AGO3: variants seen among roughly 807,000 people sequenced by gnomAD.
The protein encoded by AGO3 is protein argonaute-3.
In AGO3, 16 loss-of-function variants were observed where a neutral mutation model predicts 105.5. That is an observed-to-expected ratio of 0.15 (90% confidence interval 0.10 to 0.23). The LOEUF (loss-of-function observed/expected upper bound fraction) is 0.23. Ranked by LOEUF, AGO3 falls within the 10% of genes least tolerant of loss-of-function variation. AGO3 has a pLI of 1.00. For missense variants in AGO3, 534 were observed against 1,088.0 expected, an observed-to-expected ratio of 0.49 and a Z score of 7.16; for synonymous variants, 340 against 367.3, an observed-to-expected ratio of 0.93 and a Z score of 0.85.
intron 5 of AGO3, among the ~76,000 whole-genome samples, chr1:36,002,901 T>C (rs897833153): frequency 6.6e-6 from 1 of 152,076 alleles, no homozygotes; most frequent in African/African-American, 2.4e-5. Flanking sequence ...TAAAACCTTG[T>C]CTCTACTAAA....
intron 9 of AGO3, among the ~76,000 whole-genome samples, chr1:36,013,223 G>A (rs1428437638): frequency 2.0e-5 from 3 of 152,090 alleles, no homozygotes; most frequent in Admixed American, 6.6e-5. Context: ...ACAGATGTGA[G>A]CCACCACGCC....
chr1:36,071,233 A>G lies in AGO3; in HGVS notation c.*15488A>G, dbSNP rs1360906225. 6.6e-6 allele frequency: 1 copy of G among 152,150 alleles called. No individual in the cohort carries two copies. Among genetic ancestry groups the G allele is most frequent in the Non-Finnish European group, 1.5e-5 (1 of 68,034 alleles). The allele number at this position is 152,150 out of a possible 1,614,324, so 9.4% of individuals were successfully genotyped here. On this transcript the variant is annotated 3_prime_UTR_variant, in exon 19 of 19. Coordinates refer to ENST00000373191, the MANE Select transcript of AGO3 (RefSeq NM_024852.4). ...AACAATACAAAACAAAAAAAACCCT[A>G]AGTAATGGAGGAAGAAATAGCATTC...
At chr1:36,024,753 G>A (rs938603042) in intron 11 of AGO3, among the ~76,000 whole-genome samples, 2 of 151,924 alleles carry the variant, frequency 1.3e-5, no homozygotes, top group African/African-American at 2.4e-5. Context: ...GCGTGATCTC[G>A]GCTCACTGCA....
Position 35,932,997 on chromosome 1 carries a change from T to TAA in AGO3, c.19+1553_19+1554insAA, listed in dbSNP as rs60852593. Among the ~76,000 whole-genome samples, 2 of 152,226 alleles carry TAA rather than the reference T, an allele frequency of 1.3e-5. 1 individual carries two copies. Among genetic ancestry groups the TAA allele is most frequent in the Admixed American group, 1.3e-4 (2 of 15,284 alleles). ...GGGAAATGTCTTAGAAAACATTTGTTACATCAAACCACCTAGTCAACTGGT... is the reference window on the plus strand; with the variant it reads ...GGGAAATGTCTTAGAAAACATTTGTTAAACATCAAACCACCTAGTCAACTGGT... On this transcript the variant is annotated intron_variant, in intron 1 of 18. Transcript: ENST00000373191.
chr1:36,037,348 C>T (rs534700950), intron 14 of AGO3, among the ~76,000 whole-genome samples: 4 of 152,126 alleles, frequency 2.6e-5, no homozygotes, highest in Admixed American at 6.6e-5. Flanking sequence ...ATGGTGAAAC[C>T]CCATCTGTAT....
chr1:35,948,178 A>G (rs1646402496), intron 2 of AGO3, among the ~76,000 whole-genome samples: 1 of 152,012 alleles, frequency 6.6e-6, no homozygotes, highest in African/African-American at 2.4e-5. Flanking sequence ...TTACAAGGAA[A>G]TGATATGGTG....
chr1:35,999,895 T>C (rs1640004400), intron 5 of AGO3, among the ~76,000 whole-genome samples: 1 of 152,086 alleles, frequency 6.6e-6, no homozygotes, highest in Admixed American at 6.6e-5. Flanking sequence ...AAAATTAAGT[T>C]GAATTTACCA....
Position 36,059,530 on chromosome 1 carries a change from G to C in AGO3, c.*3785G>C, listed in dbSNP as rs1159222849. On this transcript the variant is annotated 3_prime_UTR_variant, in exon 19 of 19. Transcript: ENST00000373191. ...TTTCTGTGATGTATCTTACGAGACTGACTGTAAAATATCAGTCTGGCAACT... is the reference window on the plus strand; with the variant it reads ...TTTCTGTGATGTATCTTACGAGACTCACTGTAAAATATCAGTCTGGCAACT... 6.7e-6 allele frequency: 1 copy of C among 150,318 alleles called. No homozygotes were observed. The highest frequency in any genetic ancestry group is 1.5e-5 in the Non-Finnish European group (1 of 67,746). 9.3% of individuals were successfully genotyped at this position (150,318 alleles called of 1,614,324 possible).
intron 5 of AGO3, among the ~76,000 whole-genome samples, chr1:35,989,057 C>T (rs951698908): frequency 2.0e-5 from 3 of 152,128 alleles, no homozygotes. Flanking sequence ...CTGGAGAAGA[C>T]TGGTAATTGA....
Position 36,063,698 on chromosome 1 carries a change from GAATA to G in AGO3, c.*7957_*7960del, listed in dbSNP as rs1643052022. The G allele has an allele frequency of 6.6e-6, 1 of 152,124 alleles. No homozygotes were observed. Among genetic ancestry groups the G allele is most frequent in the South Asian group, 2.1e-4 (1 of 4,836 alleles). The allele number at this position is 152,124 out of a possible 1,614,324, so 9.4% of individuals were successfully genotyped here. On this transcript the variant is annotated 3_prime_UTR_variant, in exon 19 of 19. Coordinates refer to ENST00000373191, the MANE Select transcript of AGO3 (RefSeq NM_024852.4). ...TTAAATAGTAATAATTTATGAATGT[GAATA>G]AATTGGAAGGCAGCAAAAAGCATGA... is the stretch of plus-strand genomic sequence containing the variant.
chr1:35,956,822 A>G (rs988607137), intron 2 of AGO3, among the ~76,000 whole-genome samples: 1 of 151,062 alleles, frequency 6.6e-6, no homozygotes, highest in Non-Finnish European at 1.5e-5. Flanking sequence ...ATTTTTTTGT[A>G]TTTTTAGTAG....
intron 5 of AGO3, among the ~76,000 whole-genome samples, chr1:35,994,881 CAA>C (rs1381488143): frequency 2.0e-5 from 3 of 152,110 alleles, no homozygotes; most frequent in Non-Finnish European, 4.4e-5. Flanking sequence ...CCAGAAGTCT[CAA>C]ATTGTTAAGA....
intron 5 of AGO3, 142 bp downstream of exon 5, chr1:35,973,653 T>C (rs1443203925): frequency 1.0e-6 from 1 of 960,360 alleles, no homozygotes; most frequent in Non-Finnish European, 1.4e-6. Context: ...GAAACCTTTA[T>C]ATTTTTATTA....
Position 36,013,923 on chromosome 1 carries a change from A to G in AGO3, c.1281A>G (p.Thr427=). 2 of 1,612,666 alleles carry G rather than the reference A, an allele frequency of 1.2e-6. No individual in the cohort carries two copies. Among genetic ancestry groups the G allele is most frequent in the Non-Finnish European group, 1.7e-6 (2 of 1,179,466 alleles). The change falls in exon 11 of 19, where the codon ACA becomes ACG. Residue 427 remains threonine (T), a synonymous_variant. Coordinates refer to ENST00000373191, the MANE Select transcript of AGO3 (RefSeq NM_024852.4). ...PMLQYGGRNR[T]VATPSHGVWD... ...TTTTTCTCCTCGTGTAGAATCGGACAGTAGCAACACCGAGCCATGGAGTAT... is the reference window on the plus strand; with the variant it reads ...TTTTTCTCCTCGTGTAGAATCGGACGGTAGCAACACCGAGCCATGGAGTAT...
chr1:35,969,086 G>T (rs1046039889), intron 3 of AGO3, among the ~76,000 whole-genome samples: 3 of 151,870 alleles, frequency 2.0e-5, no homozygotes, highest in Non-Finnish European at 4.4e-5. Context: ...CCCATTTTTT[G>T]AACTGGGTTG....
At chr1:35,938,683 T>C (rs550956442) in intron 1 of AGO3, among the ~76,000 whole-genome samples, 6 of 152,348 alleles carry the variant, frequency 3.9e-5, no homozygotes, top group East Asian at 3.9e-4. Flanking sequence ...CTAGTACATA[T>C]GTGTTTGTAT....
chr1:35,963,409 T>G (rs1450246515), intron 2 of AGO3, among the ~76,000 whole-genome samples: 1 of 151,640 alleles, frequency 6.6e-6, no homozygotes, highest in Non-Finnish European at 1.5e-5. Context: ...CGTGAATAGG[T>G]TTTAAAACAT....
In AGO3 at chr1:35,985,591, A is replaced by G. The variant is rs550203380; in HGVS notation, c.658+12080A>G. Among the ~76,000 whole-genome samples, 306 of 152,142 alleles carry G rather than the reference A, an allele frequency of 2.0e-3. 2 individuals carry two copies. The highest frequency in any genetic ancestry group is 2.9e-3 in the Non-Finnish European group (199 of 67,990). On this transcript the variant is annotated intron_variant, in intron 5 of 18. Coordinates refer to ENST00000373191, the MANE Select transcript of AGO3 (RefSeq NM_024852.4). ...AGAATATTTAATAAATTGTGTTTACACAGTTTAACTTTAAAAAAATTAGAT... is the reference window on the plus strand; with the variant it reads ...AGAATATTTAATAAATTGTGTTTACGCAGTTTAACTTTAAAAAAATTAGAT...
intron 5 of AGO3, chr1:35,992,291 G>GT (rs1270696950): frequency 6.6e-6 from 1 of 152,218 alleles, no homozygotes; most frequent in African/African-American, 2.4e-5. Flanking sequence ...ATCTCTTCCA[G>GT]TTAGTATGCC....
Sources: gnomAD v4.1 joint callset for allele counts (sites outside exome capture counted in the v4.1 genomes callset) on GRCh38, gnomAD v4.1.1 for gene constraint, MANE v1.5 for transcripts, NCBI Gene and HGNC (gene_info 2026-07-23, HGNC 2026-07-21) for gene names.